Variants in PPIL4 observed in about 807,000 individuals in gnomAD.
The protein encoded by PPIL4 is peptidylprolyl isomerase like 4, also known as peptidyl-prolyl cis-trans isomerase-like 4.
PPIL4 carries 50 observed loss-of-function variants against 69.1 expected under a neutral mutation model. The observed-to-expected ratio is 0.72, with a 90% CI of 0.58 to 0.92. PPIL4 has a LOEUF of 0.92. PPIL4 is among the 40% of genes least tolerant of loss of function. The probability of loss-of-function intolerance (pLI) is 0.00; values close to 1 mark genes in which losing one functional copy is unlikely to be tolerated. For missense variants in PPIL4, 480 were observed against 587.9 expected, an observed-to-expected ratio of 0.82 and a Z score of 1.90; for synonymous variants, 193 against 191.6, an observed-to-expected ratio of 1.01 and a Z score of -0.06.
At chr6:149,532,053 A>G (rs566906870) in intron 7 of PPIL4, among the ~76,000 whole-genome samples, 1 of 152,336 alleles carries the variant, frequency 6.6e-6, no homozygotes, top group South Asian at 2.1e-4. Context: ...TACACATTGA[A>G]TACTGCTGCT....
chr6:149,525,936 T>C (rs1219553398), intron 8 of PPIL4, among the ~76,000 whole-genome samples: 1 of 151,960 alleles, frequency 6.6e-6, no homozygotes. Context: ...CCGTCTCTAC[T>C]AAAAATACAA....
chr6:149,540,938 T>TAA lies in PPIL4; in HGVS notation c.321+2_321+3dup, dbSNP rs1266463490. On this transcript the variant is annotated splice_donor_region_variant and intron_variant, in intron 4 of 12. Transcript: ENST00000253329. ...AAATCTCATATTCTTACTCATTTCC[T>TAA]AACCTGAGATCCATGTTGATCACTG... 1 of 1,534,584 alleles carries TAA rather than the reference T, an allele frequency of 6.5e-7. No homozygotes were observed. Among genetic ancestry groups the TAA allele is most frequent in the South Asian group, 1.1e-5 (1 of 88,704 alleles).
chr6:149,511,458 G>A (rs1031442456), intron 12 of PPIL4, among the ~76,000 whole-genome samples: 1 of 151,712 alleles, frequency 6.6e-6, no homozygotes, highest in South Asian at 2.1e-4. Context: ...ATTTTTTGTC[G>A]AGATGGGGGT....
chr6:149,533,453 C>G lies in PPIL4; in HGVS notation c.678+5G>C, dbSNP rs1341570504. 1 of 1,426,744 alleles carries G rather than the reference C, an allele frequency of 7.0e-7. No homozygotes were observed. Among genetic ancestry groups the G allele is most frequent in the South Asian group, 1.1e-5 (1 of 87,086 alleles). 88.4% of individuals were successfully genotyped at this position (1,426,744 alleles called of 1,614,324 possible). On this transcript the variant is annotated splice_donor_5th_base_variant and intron_variant, in intron 7 of 12. Transcript: ENST00000253329. ...GAACAATTTGAACAAAGATAATTAT[C>G]TTACCATCTCCAAAAGTATAGCCTG...
At chr6:149,542,705 G>C (rs995700423) in intron 1 of PPIL4, among the ~76,000 whole-genome samples, 3 of 152,164 alleles carry the variant, frequency 2.0e-5, no homozygotes, top group Non-Finnish European at 4.4e-5. Context: ...TTTCTGGCTA[G>C]GGAAATTAGA....
chr6:149,534,768 A>G lies in PPIL4; in HGVS notation c.471T>C (p.Asn157=). ...ATGGATCATCTAAAATCACCGTATG[A>G]TTTATCCTTACAAAATAAATCCAAA... The part of the protein sequence containing the change: ...DFVPYQDIRI[N]HTVILDDPFD... Residue 157 remains asparagine, a synonymous_variant, in exon 6 of 13, where the codon AAT becomes AAC. Transcript: ENST00000253329. 2 of 1,522,878 alleles carry G rather than the reference A, an allele frequency of 1.3e-6. No homozygotes were observed. The highest frequency in any genetic ancestry group is 2.3e-5 in the South Asian group (2 of 85,316). The allele number at this position is 1,522,878 out of a possible 1,614,324, so 94.3% of individuals were successfully genotyped here. A position where few individuals can be genotyped will look rare whatever the true frequency, so the allele number is the denominator to read the frequency against.
chr6:149,539,948 G>A (rs1214263065), intron 4 of PPIL4, among the ~76,000 whole-genome samples: 4 of 151,950 alleles, frequency 2.6e-5, no homozygotes, highest in African/African-American at 9.7e-5. Context: ...TGGCCAACAT[G>A]GCAAAACCCT....
chr6:149,536,888 G>A (rs752875942), intron 4 of PPIL4, among the ~76,000 whole-genome samples: 21 of 152,174 alleles, frequency 1.4e-4, no homozygotes, highest in Non-Finnish European at 2.2e-4. Context: ...AGCACTTTAG[G>A]AGGCCGAGGC....
At chr6:149,509,949 A>T (rs540474991) in intron 12 of PPIL4, among the ~76,000 whole-genome samples, 11 of 152,132 alleles carry the variant, frequency 7.2e-5, no homozygotes, top group Non-Finnish European at 1.6e-4. Context: ...TTTTATAGAG[A>T]CAGGGCCTCC....
At chr6:149,526,612 A>C in intron 8 of PPIL4, 40 bp downstream of exon 8, 2 of 1,550,126 alleles carry the variant, frequency 1.3e-6, no homozygotes, top group Non-Finnish European at 1.8e-6. Context: ...ACTGATACCT[A>C]GTTTTTCTAA....
Position 149,507,249 on chromosome 6 carries a change from AG to A in PPIL4, c.1228-1546del, listed in dbSNP as rs143032080. On this transcript the variant is annotated intron_variant, in intron 12 of 12. Coordinates refer to ENST00000253329, the MANE Select transcript of PPIL4 (RefSeq NM_139126.4). ...TACTGTCTAGATACTGTACACCTTGAGTTTGACAGTGTGTGAAAACAGATGT... is the reference window on the plus strand; with the variant it reads ...TACTGTCTAGATACTGTACACCTTGATTTGACAGTGTGTGAAAACAGATGT... Among the ~76,000 whole-genome samples the A allele has an allele frequency of 6.0e-3, 909 of 152,376 alleles. 7 individuals carry two copies. Among genetic ancestry groups the A allele is most frequent in the African/African-American group, 0.021 (867 of 41,582 alleles).
At chr6:149,533,090 C>T (rs569829860) in intron 7 of PPIL4, among the ~76,000 whole-genome samples, 1 of 152,174 alleles carries the variant, frequency 6.6e-6, no homozygotes, top group Non-Finnish European at 1.5e-5. Context: ...TTTTGCCCTA[C>T]AACTACCATT....
chr6:149,513,678 C>T (rs926540334), intron 11 of PPIL4, among the ~76,000 whole-genome samples: 5 of 151,394 alleles, frequency 3.3e-5, no homozygotes, highest in African/African-American at 1.2e-4. Flanking sequence ...TATAACTTTA[C>T]ATAAGAGAAA....
intron 6 of PPIL4, among the ~76,000 whole-genome samples, chr6:149,533,795 CA>C (rs764395376): frequency 4.6e-5 from 7 of 152,096 alleles, no homozygotes; most frequent in Non-Finnish European, 1.0e-4. Context: ...GCAACTGAGA[CA>C]AACTTATAAA....
At chr6:149,529,057 C>T (rs1777150109) in intron 7 of PPIL4, among the ~76,000 whole-genome samples, 1 of 151,806 alleles carries the variant, frequency 6.6e-6, no homozygotes, top group Non-Finnish European at 1.5e-5. Flanking sequence ...GGGTAAGACT[C>T]CATCTCTACA....
At chr6:149,533,324 T>C (rs1777226669) in intron 7 of PPIL4, 134 bp downstream of exon 7, 1 of 593,824 alleles carries the variant, frequency 1.7e-6, no homozygotes, top group South Asian at 2.2e-5. Context: ...TACTATGCCA[T>C]ACCAAATTTA....
intron 11 of PPIL4, among the ~76,000 whole-genome samples, chr6:149,516,503 T>C (rs1776946545): frequency 1.3e-5 from 2 of 152,004 alleles, no homozygotes; most frequent in Non-Finnish European, 1.5e-5. Flanking sequence ...GAAATACCAA[T>C]AGAAACTAGG....
At chr6:149,534,060 G>A (rs2115037667) in intron 6 of PPIL4, among the ~76,000 whole-genome samples, 1 of 152,098 alleles carries the variant, frequency 6.6e-6, no homozygotes, top group Non-Finnish European at 1.5e-5. Flanking sequence ...AGAGGCTGAG[G>A]CACGAGAATT....
At chr6:149,542,607 G>T (rs925231933) in intron 1 of PPIL4, among the ~76,000 whole-genome samples, 2 of 152,170 alleles carry the variant, frequency 1.3e-5, no homozygotes, top group Non-Finnish European at 2.9e-5. Flanking sequence ...GTTACATACT[G>T]GGCATATCTA....
Sources: allele counts gnomAD v4.1 joint callset (sites outside exome capture counted in the v4.1 genomes callset), GRCh38; gene constraint gnomAD v4.1.1; transcripts MANE v1.5; gene names NCBI Gene and HGNC (gene_info 2026-07-23, HGNC 2026-07-21).